Variants in RAD51B observed in about 807,000 individuals in gnomAD.
RAD51B encodes the protein DNA repair protein RAD51 homolog 2.
A neutral mutation model predicts 42.2 loss-of-function variants in RAD51B; 38 were observed. That is an observed-to-expected ratio of 0.90 (90% CI 0.70 to 1.18). The LOEUF (loss-of-function observed/expected upper bound fraction) is 1.18. Ranked by LOEUF, RAD51B falls within the 50% of genes most tolerant of loss-of-function variation. The pLI, the probability that RAD51B is intolerant of heterozygous loss-of-function variation, is 0.00. For synonymous variants in RAD51B, 154 were observed against 145.2 expected (o/e 1.06, Z -0.43); for missense variants, 373 against 400.7 (o/e 0.93, Z 0.59).
At chr14:68,096,551 A>T (rs2077198719) in intron 7 of RAD51B, among the ~76,000 whole-genome samples, 2 of 152,240 alleles carry the variant, frequency 1.3e-5, no homozygotes, top group Admixed American at 1.3e-4. Context: ...AAACAGCTGA[A>T]TAAAATTCAG....
chr14:67,887,009 C>T lies in RAD51B; in HGVS notation c.573-12C>T. 3 of 1,419,394 alleles carry T rather than the reference C, an allele frequency of 2.1e-6. No homozygotes were observed. Among genetic ancestry groups the T allele is most frequent in the South Asian group, 1.4e-5 (1 of 72,648 alleles). 87.9% of individuals were successfully genotyped at this position (1,419,394 alleles called of 1,614,324 possible). A position where few individuals can be genotyped will look rare whatever the true frequency, so the allele number is the denominator to read the frequency against. On this transcript the variant is annotated splice_polypyrimidine_tract_variant and intron_variant, in intron 6 of 10. Transcript: ENST00000471583. The stretch of plus-strand genomic sequence containing the variant: ...AAATTTATTGACTATTTTATAAATT[C>T]TTCTTTTATAGGATTGAATCTTTGG...
intron 7 of RAD51B, among the ~76,000 whole-genome samples, chr14:67,989,542 G>A (rs1056470686): frequency 1.3e-5 from 2 of 148,418 alleles, no homozygotes; most frequent in Admixed American, 1.4e-4. Context: ...GGAGGCTGAG[G>A]CAGGAGAATC....
chr14:68,033,820 A>G (rs1358262507), intron 7 of RAD51B, among the ~76,000 whole-genome samples: 1 of 152,160 alleles, frequency 6.6e-6, no homozygotes, highest in African/African-American at 2.4e-5. Context: ...CATCCCAGAC[A>G]GGGATGAATG....
intron 10 of RAD51B, chr14:68,540,166 CT>C (rs11321834): frequency 0.2 from 114,988 of 576,178 alleles, 3,165 homozygotes; most frequent in African/African-American, 0.3. Flanking sequence ...TACCCTGCTC[CT>C]TTTTTTTTTT....
chr14:68,010,956 A>G (rs1189159419), intron 7 of RAD51B, among the ~76,000 whole-genome samples: 1 of 151,894 alleles, frequency 6.6e-6, no homozygotes, highest in East Asian at 1.9e-4. Flanking sequence ...TGTACAAAGG[A>G]TATAAGTTTC....
intron 7 of RAD51B, among the ~76,000 whole-genome samples, chr14:68,033,166 C>T (rs972616681): frequency 1.3e-5 from 2 of 152,138 alleles, no homozygotes; most frequent in African/African-American, 2.4e-5. Flanking sequence ...CTATAGTAGA[C>T]ACCCATTAAA....
chr14:68,454,841 A>C (rs1035366933), intron 9 of RAD51B, among the ~76,000 whole-genome samples: 2 of 152,220 alleles, frequency 1.3e-5, no homozygotes, highest in Non-Finnish European at 2.9e-5. Flanking sequence ...AAAATACAAA[A>C]GGAAAATCTG....
chr14:67,833,901 A>G (rs35511806), intron 3 of RAD51B, among the ~76,000 whole-genome samples: 1 of 152,344 alleles, frequency 6.6e-6, no homozygotes, highest in East Asian at 1.9e-4. Context: ...TCTTCCTGAC[A>G]GATCTCCCAG....
chr14:68,285,073 G>A (rs941249231), intron 7 of RAD51B, among the ~76,000 whole-genome samples: 4 of 152,148 alleles, frequency 2.6e-5, no homozygotes, highest in Admixed American at 2.6e-4. Flanking sequence ...ACAGGTTGGG[G>A]CAGACACCGT....
intron 7 of RAD51B, among the ~76,000 whole-genome samples, chr14:68,143,678 A>C (rs2078185989): frequency 6.6e-6 from 1 of 152,242 alleles, no homozygotes; most frequent in Non-Finnish European, 1.5e-5. Context: ...ATTTATGCCA[A>C]GTCCTTGCCT....
intron 10 of RAD51B, among the ~76,000 whole-genome samples, chr14:68,471,733 C>T (rs1466182020): frequency 1.4e-5 from 2 of 146,484 alleles, no homozygotes; most frequent in African/African-American, 5.4e-5. Flanking sequence ...AATGAAAGAA[C>T]CCCCCTCCTC....
intron 2 of RAD51B, among the ~76,000 whole-genome samples, chr14:67,824,639 C>G (rs766200719): frequency 2.0e-4 from 31 of 152,026 alleles, no homozygotes; most frequent in Non-Finnish European, 3.5e-4. Context: ...AAGATAACAT[C>G]GGTTCCTTTG....
chr14:67,913,401 G>A (rs912435720), intron 7 of RAD51B, among the ~76,000 whole-genome samples: 7 of 152,166 alleles, frequency 4.6e-5, no homozygotes, highest in African/African-American at 1.7e-4. Flanking sequence ...GGGTGTCTCT[G>A]GGACTTTATC....
chr14:68,271,199 A>G (rs80201494), intron 7 of RAD51B, among the ~76,000 whole-genome samples: 23 of 152,334 alleles, frequency 1.5e-4, no homozygotes, highest in Admixed American at 6.5e-4. Context: ...ACTAGAATGT[A>G]AACTACAGGG....
chr14:68,060,858 A>G (rs948343614), intron 7 of RAD51B, among the ~76,000 whole-genome samples: 11 of 152,090 alleles, frequency 7.2e-5, no homozygotes, highest in Admixed American at 5.9e-4. Context: ...GTGTGTTTTT[A>G]GTGCCTTTGT....
chr14:68,251,163 G>T (rs537124616), intron 7 of RAD51B, among the ~76,000 whole-genome samples: 1 of 151,568 alleles, frequency 6.6e-6, no homozygotes, highest in African/African-American at 2.4e-5. Flanking sequence ...AAAAAGAAGT[G>T]ATTCATCTTC....
At chr14:68,608,060 C>G (rs1891524089) in intron 10 of RAD51B, among the ~76,000 whole-genome samples, 1 of 152,210 alleles carries the variant, frequency 6.6e-6, no homozygotes, top group South Asian at 2.1e-4. Context: ...GAAAGGACAC[C>G]TAGGTCTGCT....
At chr14:68,067,480 A>AC (rs1391907854) in intron 7 of RAD51B, among the ~76,000 whole-genome samples, 3 of 151,386 alleles carry the variant, frequency 2.0e-5, no homozygotes, top group South Asian at 2.1e-4. Context: ...AAAAAAACAA[A>AC]AAAAAAAAAA....
chr14:67,860,627 T>C (rs1265378219), intron 4 of RAD51B, among the ~76,000 whole-genome samples: 2 of 152,162 alleles, frequency 1.3e-5, no homozygotes, highest in African/African-American at 4.8e-5. Context: ...TGTGTTTGAC[T>C]TACTTTGAAA....
Sources: allele counts gnomAD v4.1 joint callset (sites outside exome capture counted in the v4.1 genomes callset), GRCh38; gene constraint gnomAD v4.1.1; transcripts MANE v1.5; gene names NCBI Gene and HGNC (gene_info 2026-07-23, HGNC 2026-07-21).